CDH13: variants seen among roughly 807,000 people sequenced by gnomAD.
The protein encoded by CDH13 is cadherin 13.
CDH13 carries 24 observed loss-of-function variants against 63.8 expected under a neutral mutation model. The observed-to-expected ratio is 0.38, with a 90% CI of 0.27 to 0.53. CDH13 has a LOEUF of 0.53. Among genes scored for constraint, CDH13 ranks in the 20% least tolerant of loss-of-function variants. The probability of loss-of-function intolerance (pLI) is 0.85; values close to 1 mark genes in which losing one functional copy is unlikely to be tolerated. For missense variants in CDH13, 1,049 were observed against 903.1 expected (o/e 1.16, Z -2.07); for synonymous variants, 503 against 355.3 (o/e 1.42, Z -4.67).
At chr16:82,731,537 G>A (rs1030748816) in intron 1 of CDH13, among the ~76,000 whole-genome samples, 4 of 152,200 alleles carry the variant, frequency 2.6e-5, no homozygotes, top group Admixed American at 2.0e-4. Context: ...CAAAGAAGCT[G>A]CTCAAGACAT....
At chr16:83,087,334 A>G (rs1464629183) in intron 3 of CDH13, among the ~76,000 whole-genome samples, 1 of 152,194 alleles carries the variant, frequency 6.6e-6, no homozygotes, top group Non-Finnish European at 1.5e-5. Context: ...GCAAGGTCCA[A>G]ATGATAGGAT....
intron 6 of CDH13, among the ~76,000 whole-genome samples, chr16:83,479,741 G>A (rs2073709609): frequency 6.6e-6 from 1 of 152,088 alleles, no homozygotes; most frequent in Non-Finnish European, 1.5e-5. Flanking sequence ...TCTCAAAGGG[G>A]GTAATATTAC....
At chr16:83,501,749 G>A (rs912166033) in intron 7 of CDH13, among the ~76,000 whole-genome samples, 2 of 152,106 alleles carry the variant, frequency 1.3e-5, no homozygotes, top group African/African-American at 4.8e-5. Flanking sequence ...CCACTCCCTT[G>A]GGCTATTAAA....
intron 1 of CDH13, among the ~76,000 whole-genome samples, chr16:82,730,971 C>T (rs1277127021): frequency 6.6e-6 from 1 of 152,170 alleles, no homozygotes; most frequent in East Asian, 1.9e-4. Flanking sequence ...TATTTTACTA[C>T]ATTTTACTAT....
intron 7 of CDH13, among the ~76,000 whole-genome samples, chr16:83,509,977 C>T (rs896047986): frequency 2.0e-5 from 3 of 152,140 alleles, no homozygotes; most frequent in Non-Finnish European, 2.9e-5. Flanking sequence ...TTGTAGCCAG[C>T]GTACCTCCTT....
chr16:83,315,619 A>T (rs543917000), intron 5 of CDH13, among the ~76,000 whole-genome samples: 2 of 151,558 alleles, frequency 1.3e-5, no homozygotes, highest in African/African-American at 2.4e-5. Flanking sequence ...AGAATCACCA[A>T]ATATGTTACA....
At chr16:83,559,340 G>A (rs942134061) in intron 7 of CDH13, among the ~76,000 whole-genome samples, 1 of 152,146 alleles carries the variant, frequency 6.6e-6, no homozygotes, top group African/African-American at 2.4e-5. Flanking sequence ...GGGAGGCCGA[G>A]GCAGGTGGAT....
At chr16:83,556,904 C>A (rs2075614401) in intron 7 of CDH13, among the ~76,000 whole-genome samples, 2 of 152,218 alleles carry the variant, frequency 1.3e-5, no homozygotes, top group South Asian at 4.1e-4. Context: ...GTGCCTCTGT[C>A]ATCCTGTCTA....
At chr16:82,992,101 C>T (rs750231338) in intron 2 of CDH13, among the ~76,000 whole-genome samples, 4 of 152,156 alleles carry the variant, frequency 2.6e-5, no homozygotes, top group Non-Finnish European at 5.9e-5. Context: ...TGATTAACCT[C>T]ATTAAGGACA....
At chr16:82,991,060 C>T (rs1361461420) in intron 2 of CDH13, among the ~76,000 whole-genome samples, 2 of 152,182 alleles carry the variant, frequency 1.3e-5, no homozygotes, top group Non-Finnish European at 2.9e-5. Flanking sequence ...AGCATCCCTG[C>T]CATGCACCTG....
chr16:82,758,579 A>G (rs1318861324), intron 1 of CDH13, among the ~76,000 whole-genome samples: 2 of 152,182 alleles, frequency 1.3e-5, no homozygotes, highest in African/African-American at 4.8e-5. Context: ...CTTAGGTCAC[A>G]TGTTCCCAGT....
At chr16:82,662,176 T>A (rs752880794) in intron 1 of CDH13, among the ~76,000 whole-genome samples, 8 of 152,202 alleles carry the variant, frequency 5.3e-5, no homozygotes, top group Non-Finnish European at 1.2e-4. Context: ...GTCACCCTTG[T>A]GTATTGCCAG....
At chr16:83,243,786 T>C (rs1369518600) in intron 5 of CDH13, among the ~76,000 whole-genome samples, 2 of 152,214 alleles carry the variant, frequency 1.3e-5, no homozygotes, top group Non-Finnish European at 2.9e-5. Flanking sequence ...ATTATACTTA[T>C]GGTCAGTTAG....
At chr16:82,681,693 C>T (rs931536010) in intron 1 of CDH13, among the ~76,000 whole-genome samples, 2 of 152,238 alleles carry the variant, frequency 1.3e-5, no homozygotes, top group Non-Finnish European at 2.9e-5. Context: ...TTCCAGTAGC[C>T]AGCGCCTGCC....
At chr16:83,621,475 C>CTT (rs72032168) in intron 8 of CDH13, among the ~76,000 whole-genome samples, 737 of 28,510 alleles carry the variant, frequency 0.026, 312 homozygotes, top group African/African-American at 0.056. Flanking sequence ...CCTCACCTGC[C>CTT]TTTTTTTTTT....
chr16:83,599,547 G>A (rs1163852558), intron 7 of CDH13, among the ~76,000 whole-genome samples: 1 of 151,988 alleles, frequency 6.6e-6, no homozygotes, highest in Non-Finnish European at 1.5e-5. Context: ...ATGTATATAA[G>A]CCTTCATGAA....
At chr16:82,844,398 A>T (rs950559727) in intron 1 of CDH13, 2 of 151,928 alleles carry the variant, frequency 1.3e-5, no homozygotes, top group African/African-American at 4.8e-5. Context: ...TCAGGAGGTC[A>T]AGACCATCCT....
chr16:82,749,547 A>C (rs1032271010), intron 1 of CDH13, among the ~76,000 whole-genome samples: 7 of 152,200 alleles, frequency 4.6e-5, no homozygotes, highest in African/African-American at 1.7e-4. Flanking sequence ...CAAAAACTCA[A>C]TGTAAGGCTC....
At chr16:83,487,684 A>T (rs2151565179) in intron 7 of CDH13, among the ~76,000 whole-genome samples, 1 of 152,226 alleles carries the variant, frequency 6.6e-6, no homozygotes, top group Non-Finnish European at 1.5e-5. Context: ...TCCTGACATC[A>T]TCCCACAGGC....
Sources: allele counts gnomAD v4.1 joint callset (sites outside exome capture counted in the v4.1 genomes callset), GRCh38; gene constraint gnomAD v4.1.1; transcripts MANE v1.5; gene names NCBI Gene and HGNC (gene_info 2026-07-23, HGNC 2026-07-21).